SYNE2: variants seen among roughly 807,000 people sequenced by gnomAD.
The protein encoded by SYNE2 is spectrin repeat containing nuclear envelope protein 2, also known as nesprin-2.
In SYNE2, 431 loss-of-function variants were observed where a neutral mutation model predicts 856.3. The observed-to-expected ratio is 0.50, with a 90% CI of 0.47 to 0.55. The LOEUF is 0.55. SYNE2 is among the 20% of genes least tolerant of loss of function. The pLI is 0.00. For synonymous variants in SYNE2, 2,923 were observed against 2,872.3 expected (o/e 1.02, Z -0.56); for missense variants, 8,129 against 8,023.2 (o/e 1.01, Z -0.50).
At chr14:64,114,428 G>T (rs890669671) in intron 66 of SYNE2, among the ~76,000 whole-genome samples, 1 of 152,076 alleles carries the variant, frequency 6.6e-6, no homozygotes, top group Non-Finnish European at 1.5e-5. Flanking sequence ...CTCAGAGTTC[G>T]CATATCACTA....
chr14:63,814,505 A>ATCC (rs1888765228), intron 1 of SYNE2, among the ~76,000 whole-genome samples: 3 of 69,104 alleles, frequency 4.3e-5, no homozygotes, highest in Non-Finnish European at 6.4e-5. Flanking sequence ...CCATATATAT[A>ATCC]ATATATATAT....
At chr14:64,209,817 G>A in intron 102 of SYNE2, 125 bp from the exon 103 acceptor site, 1 of 1,338,028 alleles carries the variant, frequency 7.5e-7, no homozygotes, top group Non-Finnish European at 1.1e-6. Flanking sequence ...TGGTGAATTA[G>A]GCCCTCTGCT....
chr14:63,831,551 T>C (rs1330637176), intron 1 of SYNE2, among the ~76,000 whole-genome samples: 19 of 38,326 alleles, frequency 5.0e-4, no homozygotes, highest in African/African-American at 1.4e-3. Context: ...TGTTCATTCT[T>C]TTTTTTTTTT....
In SYNE2 at chr14:64,121,109, A is replaced by G. The variant is rs550417646; in HGVS notation, c.13158+48A>G. On this transcript the variant is annotated intron_variant, in intron 68 of 115. Coordinates refer to ENST00000555002, the MANE Select transcript of SYNE2 (RefSeq NM_182914.3). Reference sequence around the variant, plus strand: ...GTAGGGACTAGAATATAACTTTTTAACCAGGCAAGGTGGTGCAAACCTACA... The same window carrying G: ...GTAGGGACTAGAATATAACTTTTTAGCCAGGCAAGGTGGTGCAAACCTACA... The G allele has an allele frequency of 1.4e-5, 22 of 1,612,300 alleles. 1 individual carries two copies. The South Asian group carries it at 2.3e-4, about 17-fold the overall frequency.
In SYNE2 at chr14:64,142,509, A is replaced by G. The variant is rs573612535; in HGVS notation, c.15306+421A>G. On this transcript the variant is annotated intron_variant, in intron 82 of 115. Coordinates refer to ENST00000555002, the MANE Select transcript of SYNE2 (RefSeq NM_182914.3). The stretch of plus-strand genomic sequence containing the variant: ...ATACGTCCTCTTAGTCATCTTCCAT[A>G]GTCAGCTCGAGTTGTCCTTGTTTGC... 2.6e-5 allele frequency among the ~76,000 whole-genome samples: 4 copies of G among 152,266 alleles called. No homozygotes were observed. In the South Asian group the frequency reaches 8.3e-4, roughly 32 times the overall value.
Position 63,997,146 on chromosome 14 carries a change from C to T in SYNE2, c.3140C>T (p.Thr1047Met), listed in dbSNP as rs369667178. 1.2e-5 allele frequency: 20 copies of T among 1,613,708 alleles called. No individual in the cohort carries two copies. Among genetic ancestry groups the T allele is most frequent in the African/African-American group, 2.7e-5 (2 of 74,918 alleles). Residue 1047 changes from threonine (T) to methionine (M), a missense_variant, in exon 24 of 116, where the codon ACG (threonine) becomes ATG (methionine). This residue lies in a region of SYNE2 where 2,422 missense variants were observed against 2,357.4 expected (regional missense o/e 1.03). Transcript: ENST00000555002. The stretch of plus-strand genomic sequence containing the variant: ...ACACTGCAGCCCACAGCGGGAGGCA[C>T]GTCGAAAAACGAGTTAGTACTTCAT... ...HMTLQPTAGG[T>M]SKNEGTITTS...
intron 1 of SYNE2, among the ~76,000 whole-genome samples, chr14:63,776,714 C>G (rs958468365): frequency 1.3e-5 from 2 of 151,672 alleles, no homozygotes; most frequent in African/African-American, 4.8e-5. Context: ...ATTCTCCTGC[C>G]TCAGCCTCCC....
At chr14:64,211,911 A>C (rs149842821) in intron 103 of SYNE2, 50 bp from the exon 104 acceptor site, 1 of 1,613,000 alleles carries the variant, frequency 6.2e-7, no homozygotes, top group East Asian at 2.2e-5. Flanking sequence ...GTCTGTCTGA[A>C]CTCTTGTTCC....
At chr14:64,034,656 C>G (rs80181522) in intron 45 of SYNE2, 10,582 of 451,792 alleles carry the variant, frequency 0.023, 168 homozygotes, top group Middle Eastern at 0.058. Flanking sequence ...TTCAGGCAGA[C>G]CTAGAAACAA....
intron 102 of SYNE2, 60 bp downstream of exon 102, chr14:64,209,638 G>C (rs1206920986): frequency 1.9e-6 from 3 of 1,604,502 alleles, no homozygotes; most frequent in Non-Finnish European, 2.5e-6. Context: ...GAGCCTGGGG[G>C]CTGCTGAAAT....
At chr14:64,180,611 C>A (rs1270892128) in intron 96 of SYNE2, among the ~76,000 whole-genome samples, 4 of 151,600 alleles carry the variant, frequency 2.6e-5, no homozygotes, top group African/African-American at 9.7e-5. Context: ...TCAAGGGATT[C>A]CCCTGCCTCA....
Position 64,051,753 on chromosome 14 carries a change from A to G in SYNE2, c.7840A>G (p.Ile2614Val). ...EHGWEQVEQQ[I>V]QKKYSQQVVE... ...TGGTTGGGAACAAGTGGAACAGCAG[A>G]TTCAAAAGAAGTATTCTCAGCAGGT... Residue 2614 changes from isoleucine to valine, a missense_variant, in exon 48 of 116, where the codon ATT becomes GTT. Around this residue, in one of 3 missense-constraint regions of SYNE2, gnomAD observed 5,410 missense variants for 5,284.8 expected, o/e 1.02. Transcript: ENST00000555002. The G allele has an allele frequency of 1.2e-6, 2 of 1,614,228 alleles. 1 individual carries two copies.
rs1053594474 is a variant in SYNE2 at position 63,976,687 on chromosome 14, A to T, written c.1253A>T (p.Gln418Leu). ...EDLSASQDHS[Q>L]AVTLIQEKMT... ...TTGTCAGCCTCCCAGGATCACTCTC[A>T]AGCCGTGACTCTGATACAAGAGAAA... The change falls in exon 12 of 116, where the codon CAA becomes CTA. Residue 418 changes from glutamine (Q) to leucine (L), a missense_variant. Around this residue, in one of 3 missense-constraint regions of SYNE2, gnomAD observed 2,422 missense variants for 2,357.4 expected, o/e 1.03. Coordinates refer to ENST00000555002, the MANE Select transcript of SYNE2 (RefSeq NM_182914.3). 1 of 1,612,720 alleles carries T rather than the reference A, an allele frequency of 6.2e-7. No individual in the cohort carries two copies. The highest frequency in any genetic ancestry group is 8.5e-7 in the Non-Finnish European group (1 of 1,179,236).
chr14:63,965,524 A>G (rs1031376331), intron 10 of SYNE2, among the ~76,000 whole-genome samples: 9 of 152,216 alleles, frequency 5.9e-5, no homozygotes, highest in Non-Finnish European at 8.8e-5. Flanking sequence ...ATAGGAAACA[A>G]AGCAAAGGTT....
At chr14:64,147,090 C>T (rs183233682) in intron 84 of SYNE2, among the ~76,000 whole-genome samples, 4 of 151,554 alleles carry the variant, frequency 2.6e-5, no homozygotes, top group African/African-American at 9.7e-5. Context: ...GCCTACATTC[C>T]GCAGCCTGGT....
intron 1 of SYNE2, among the ~76,000 whole-genome samples, chr14:63,771,366 G>A (rs1886903533): frequency 6.6e-6 from 1 of 151,916 alleles, no homozygotes; most frequent in Non-Finnish European, 1.5e-5. Flanking sequence ...CACCGCGCCC[G>A]GCCCCTTATA....
At chr14:63,923,130 T>C (rs2095620715) in intron 2 of SYNE2, among the ~76,000 whole-genome samples, 2 of 152,238 alleles carry the variant, frequency 1.3e-5, no homozygotes, top group Non-Finnish European at 2.9e-5. Flanking sequence ...TAGATATTTA[T>C]TGAGCAACTT....
chr14:63,979,116 G>A, intron 14 of SYNE2, 102 bp downstream of exon 14: 1 of 1,219,104 alleles, frequency 8.2e-7, no homozygotes, highest in Non-Finnish European at 1.2e-6. Context: ...CGGGTTTTGA[G>A]ATGGGTTTTC....
At chr14:64,135,956 A>G (rs1354044666) in intron 78 of SYNE2, among the ~76,000 whole-genome samples, 1 of 152,164 alleles carries the variant, frequency 6.6e-6, no homozygotes, top group African/African-American at 2.4e-5. Context: ...ATGCTGGCTC[A>G]GCCTAGTTAC....
Sources: gnomAD v4.1 joint callset for allele counts (sites outside exome capture counted in the v4.1 genomes callset) on GRCh38, gnomAD v4.1.1 for gene constraint, gnomAD v4.1.1 regional missense constraint, MANE v1.5 for transcripts, NCBI Gene and HGNC (gene_info 2026-07-23, HGNC 2026-07-21) for gene names.